NELL1: variants seen among roughly 807,000 people sequenced by gnomAD.
NELL1 encodes the protein protein kinase C-binding protein NELL1.
Under a neutral mutation model 107.4 loss-of-function variants are expected in NELL1, and 76 were observed. The observed-to-expected ratio is 0.71, with a 90% CI of 0.59 to 0.86. The LOEUF (loss-of-function observed/expected upper bound fraction) is 0.86, where lower values mean the gene tolerates loss of function less well. Among genes scored for constraint, NELL1 ranks in the 40% least tolerant of loss-of-function variants. NELL1 has a pLI of 0.00. For missense variants in NELL1, 1,024 were observed against 1,005.5 expected, an observed-to-expected ratio of 1.02 and a Z score of -0.25; for synonymous variants, 353 against 341.2, an observed-to-expected ratio of 1.03 and a Z score of -0.38.
chr11:20,966,942 GA>G (rs1851398827), intron 12 of NELL1, among the ~76,000 whole-genome samples: 3 of 151,316 alleles, frequency 2.0e-5, no homozygotes, highest in African/African-American at 7.3e-5. Context: ...AGGGTTAAAA[GA>G]AGGGGTAAAT....
chr11:21,346,418 G>C lies in NELL1; in HGVS notation c.1550-24435G>C, dbSNP rs537429098. The stretch of plus-strand genomic sequence containing the variant: ...TTGGAACTGGGACATGCAGCCAACT[G>C]TACCCAAGCCATATAAATGGAGAGA... On this transcript the variant is annotated intron_variant, in intron 14 of 19. Transcript: ENST00000357134. Among the ~76,000 whole-genome samples the C allele has an allele frequency of 2.6e-5, 4 of 151,610 alleles. No homozygotes were observed. The South Asian group carries it at 8.3e-4, about 31-fold the overall frequency.
intron 12 of NELL1, among the ~76,000 whole-genome samples, chr11:21,094,051 A>G (rs1263307626): frequency 2.6e-5 from 4 of 152,354 alleles, no homozygotes; most frequent in African/African-American, 9.6e-5. Flanking sequence ...AAGTCCTTTC[A>G]CTAATGAGTC....
At chr11:21,411,693 G>T (rs997456228) in intron 15 of NELL1, among the ~76,000 whole-genome samples, 1 of 152,000 alleles carries the variant, frequency 6.6e-6, no homozygotes, top group Non-Finnish European at 1.5e-5. Context: ...TATCTACAAT[G>T]GACAAATATT....
At chr11:21,396,771 G>A (rs764272617) in intron 15 of NELL1, among the ~76,000 whole-genome samples, 53 of 151,570 alleles carry the variant, frequency 3.5e-4, no homozygotes, top group Non-Finnish European at 1.6e-4. Flanking sequence ...GCATGTGTAC[G>A]GAACATTAAG....
chr11:21,492,244 A>C, intron 15 of NELL1, among the ~76,000 whole-genome samples: 1 of 152,210 alleles, frequency 6.6e-6, no homozygotes, highest in African/African-American at 2.4e-5. Context: ...GTCAGGAAAC[A>C]ACAGGTGCTG....
At chr11:21,064,781 A>T (rs1024302851) in intron 12 of NELL1, among the ~76,000 whole-genome samples, 1 of 152,208 alleles carries the variant, frequency 6.6e-6, no homozygotes, top group Non-Finnish European at 1.5e-5. Flanking sequence ...ACATTAAAAC[A>T]CACCCACATC....
At chr11:21,031,126 A>G (rs1446261396) in intron 12 of NELL1, among the ~76,000 whole-genome samples, 1 of 152,194 alleles carries the variant, frequency 6.6e-6, no homozygotes. Flanking sequence ...CTTCTCAGCT[A>G]TTTCATATTC....
chr11:20,755,768 C>G (rs1360087638), intron 2 of NELL1, among the ~76,000 whole-genome samples: 5 of 149,508 alleles, frequency 3.3e-5, no homozygotes, highest in Non-Finnish European at 7.4e-5. Context: ...GTTGGCCAGG[C>G]TGGTATTGAA....
At chr11:21,012,895 T>C (rs1031908156) in intron 12 of NELL1, among the ~76,000 whole-genome samples, 1 of 152,140 alleles carries the variant, frequency 6.6e-6, no homozygotes, top group Non-Finnish European at 1.5e-5. Flanking sequence ...AGTGATGTTA[T>C]CTCTAGGAGC....
intron 14 of NELL1, among the ~76,000 whole-genome samples, chr11:21,234,079 A>G (rs1003867954): frequency 6.6e-6 from 1 of 152,204 alleles, no homozygotes; most frequent in Non-Finnish European, 1.5e-5. Flanking sequence ...CTTGAAAAGA[A>G]TTACCCAAAA....
intron 2 of NELL1, among the ~76,000 whole-genome samples, chr11:20,729,724 T>C (rs764467755): frequency 3.3e-5 from 5 of 152,186 alleles, no homozygotes; most frequent in Non-Finnish European, 5.9e-5. Flanking sequence ...ACCTCCCTTA[T>C]ATCTAGTGCT....
intron 13 of NELL1, among the ~76,000 whole-genome samples, chr11:21,123,403 G>T (rs1234666510): frequency 6.8e-6 from 1 of 147,782 alleles, no homozygotes; most frequent in Admixed American, 6.8e-5. Flanking sequence ...AATTGTTAGA[G>T]TATATTAACA....
At chr11:20,683,487 C>T (rs1014103271) in intron 2 of NELL1, among the ~76,000 whole-genome samples, 1 of 152,012 alleles carries the variant, frequency 6.6e-6, no homozygotes, top group Non-Finnish European at 1.5e-5. Context: ...TGGAAGTAGT[C>T]CTCAGTGTCT....
At chr11:20,696,172 C>G (rs942582658) in intron 2 of NELL1, among the ~76,000 whole-genome samples, 19 of 151,736 alleles carry the variant, frequency 1.3e-4, no homozygotes, top group African/African-American at 4.6e-4. Context: ...ATTCTTTTTT[C>G]CTTGTTAATC....
At chr11:21,033,568 C>A (rs574940132) in intron 12 of NELL1, among the ~76,000 whole-genome samples, 2 of 151,678 alleles carry the variant, frequency 1.3e-5, no homozygotes, top group East Asian at 3.9e-4. Flanking sequence ...GACATGATAT[C>A]ATTCTTTTTT....
intron 12 of NELL1, among the ~76,000 whole-genome samples, chr11:21,028,695 T>C (rs1419389178): frequency 6.6e-6 from 1 of 152,130 alleles, no homozygotes; most frequent in East Asian, 1.9e-4. Context: ...ATTTGTCTAC[T>C]TTTTTCTTTC....
intron 14 of NELL1, among the ~76,000 whole-genome samples, chr11:21,250,371 G>A (rs1858607162): frequency 6.6e-6 from 1 of 152,134 alleles, no homozygotes; most frequent in Admixed American, 6.6e-5. Context: ...GGGCCTTTCA[G>A]TTTAGGGCTA....
chr11:21,534,283 T>G, intron 15 of NELL1, 91 bp from the exon 16 acceptor site: 2 of 1,432,534 alleles, frequency 1.4e-6, no homozygotes, highest in African/African-American at 1.4e-5. Flanking sequence ...TTAATTGATA[T>G]GTTGACATGA....
intron 15 of NELL1, among the ~76,000 whole-genome samples, chr11:21,489,404 A>AAAAAAAAAAAAAAAAC (rs1554922049): frequency 6.6e-5 from 9 of 137,196 alleles, no homozygotes; most frequent in African/African-American, 2.1e-4. Flanking sequence ...AAAAAAAAAA[A>AAAAAAAAAAAAAAAAC]AAAACAGAAG....
Sources: gnomAD v4.1 joint callset for allele counts (sites outside exome capture counted in the v4.1 genomes callset) on GRCh38, gnomAD v4.1.1 for gene constraint, MANE v1.5 for transcripts, NCBI Gene and HGNC (gene_info 2026-07-23, HGNC 2026-07-21) for gene names.